Variants in MACROD2 observed in about 807,000 individuals in gnomAD.
The protein encoded by MACROD2 is mono-ADP ribosylhydrolase 2, also known as ADP-ribose glycohydrolase MACROD2.
In MACROD2, 36 loss-of-function variants were observed where a neutral mutation model predicts 70.4. That is an observed-to-expected ratio of 0.51 (90% CI 0.39 to 0.68). MACROD2 has a LOEUF of 0.68. Ranked by LOEUF, MACROD2 falls within the 30% of genes least tolerant of loss-of-function variation. The probability of loss-of-function intolerance (pLI) is 0.00; values close to 1 mark genes in which losing one functional copy is unlikely to be tolerated. For missense variants in MACROD2, 496 were observed against 538.4 expected (o/e 0.92, Z 0.78); for synonymous variants, 172 against 178.8 (o/e 0.96, Z 0.30).
intron 3 of MACROD2, among the ~76,000 whole-genome samples, chr20:14,211,749 C>G (rs1288846853): frequency 1.3e-5 from 2 of 152,206 alleles, no homozygotes; most frequent in Non-Finnish European, 2.9e-5. Context: ...TGTCTCTAGA[C>G]TGAAGGTCTC....
At chr20:14,983,661 C>G (rs946628814) in intron 5 of MACROD2, among the ~76,000 whole-genome samples, 1 of 152,104 alleles carries the variant, frequency 6.6e-6, no homozygotes, top group African/African-American at 2.4e-5. Flanking sequence ...TGAGGCCTCC[C>G]CACCAACATG....
intron 8 of MACROD2, among the ~76,000 whole-genome samples, chr20:15,677,876 G>A (rs954167834): frequency 6.6e-6 from 1 of 152,106 alleles, no homozygotes; most frequent in African/African-American, 2.4e-5. Context: ...AGGCCATCCT[G>A]GCCAACATGG....
At chr20:15,264,424 T>C (rs1424802603) in intron 6 of MACROD2, among the ~76,000 whole-genome samples, 1 of 152,048 alleles carries the variant, frequency 6.6e-6, no homozygotes, top group Non-Finnish European at 1.5e-5. Flanking sequence ...AGTAGACAGG[T>C]TAATAGGAGA....
intron 5 of MACROD2, among the ~76,000 whole-genome samples, chr20:14,774,708 A>G (rs2072212102): frequency 6.6e-6 from 1 of 152,092 alleles, no homozygotes; most frequent in Non-Finnish European, 1.5e-5. Flanking sequence ...AAGTGTCAAA[A>G]TGTTCTATAA....
chr20:14,042,561 C>T (rs950375094), intron 2 of MACROD2, among the ~76,000 whole-genome samples: 9 of 152,106 alleles, frequency 5.9e-5, no homozygotes, highest in Non-Finnish European at 8.8e-5. Flanking sequence ...TACAGTGGTG[C>T]GATCTCAGCT....
At chr20:15,416,700 C>T (rs1229782528) in intron 6 of MACROD2, among the ~76,000 whole-genome samples, 5 of 151,838 alleles carry the variant, frequency 3.3e-5, no homozygotes, top group African/African-American at 1.2e-4. Flanking sequence ...GTCAGGAGAT[C>T]GAGACCATCC....
intron 7 of MACROD2, among the ~76,000 whole-genome samples, chr20:15,464,332 C>A (rs1454386292): frequency 6.6e-6 from 1 of 152,106 alleles, no homozygotes; most frequent in South Asian, 2.1e-4. Context: ...ACTGGCTGTT[C>A]TTTTCACGAA....
intron 10 of MACROD2, among the ~76,000 whole-genome samples, chr20:15,906,192 G>T (rs752506684): frequency 6.6e-6 from 1 of 152,182 alleles, no homozygotes; most frequent in Non-Finnish European, 1.5e-5. Context: ...CCACCCTTGG[G>T]AGAACCTCTC....
intron 15 of MACROD2, among the ~76,000 whole-genome samples, chr20:16,030,465 AAG>A (rs2067138260): frequency 6.6e-6 from 1 of 152,168 alleles, no homozygotes; most frequent in Admixed American, 6.5e-5. Context: ...TTGACTGAGA[AAG>A]AGAGGGAAGG....
intron 6 of MACROD2, among the ~76,000 whole-genome samples, chr20:15,359,460 A>G (rs2078326621): frequency 6.6e-6 from 1 of 151,932 alleles, no homozygotes; most frequent in Non-Finnish European, 1.5e-5. Flanking sequence ...TTTAAAAGAA[A>G]TGCAATCTAA....
intron 6 of MACROD2, among the ~76,000 whole-genome samples, chr20:15,232,809 T>C (rs1601271361): frequency 6.6e-6 from 1 of 152,112 alleles, no homozygotes; most frequent in East Asian, 1.9e-4. Context: ...CTGCTAAGGT[T>C]AAACCAAAGG....
At chr20:14,078,173 A>T (rs1406515072) in intron 2 of MACROD2, among the ~76,000 whole-genome samples, 1 of 152,134 alleles carries the variant, frequency 6.6e-6, no homozygotes, top group Non-Finnish European at 1.5e-5. Flanking sequence ...AAGTGCTGGG[A>T]TTACAGGCGT....
chr20:14,990,507 T>C (rs1240247704), intron 5 of MACROD2, among the ~76,000 whole-genome samples: 1 of 149,786 alleles, frequency 6.7e-6, no homozygotes. Context: ...CTTTTTTTTT[T>C]TCTTTTTCTT....
At chr20:14,840,658 AAG>A (rs1394715732) in intron 5 of MACROD2, among the ~76,000 whole-genome samples, 1 of 152,100 alleles carries the variant, frequency 6.6e-6, no homozygotes, top group East Asian at 1.9e-4. Context: ...CTAAAAGAAA[AAG>A]AGGAAGGTTG....
chr20:15,579,086 A>G (rs868477655), intron 8 of MACROD2, among the ~76,000 whole-genome samples: 49 of 152,196 alleles, frequency 3.2e-4, no homozygotes, highest in Admixed American at 3.1e-3. Flanking sequence ...TCAAGACAAC[A>G]TTCCATATTT....
intron 7 of MACROD2, among the ~76,000 whole-genome samples, chr20:15,477,700 G>C (rs370006193): frequency 3.3e-5 from 5 of 152,168 alleles, no homozygotes; most frequent in Admixed American, 6.5e-5. Context: ...AGAGGTCCGC[G>C]TCCTAGTTCA....
intron 5 of MACROD2, among the ~76,000 whole-genome samples, chr20:14,864,044 A>G (rs2073401313): frequency 6.6e-6 from 1 of 152,102 alleles, no homozygotes. Context: ...TCCTGAGTAT[A>G]GATAATTTCT....
chr20:15,183,804 C>T (rs1361828515), intron 5 of MACROD2, among the ~76,000 whole-genome samples: 1 of 152,192 alleles, frequency 6.6e-6, no homozygotes, highest in Non-Finnish European at 1.5e-5. Context: ...CAAACATTTT[C>T]ACAAGTGTGC....
chr20:14,158,460 T>C (rs1442447484), intron 3 of MACROD2, among the ~76,000 whole-genome samples: 1 of 152,182 alleles, frequency 6.6e-6, no homozygotes, highest in Non-Finnish European at 1.5e-5. Context: ...TTTTTTGTTG[T>C]TGTTATCTGT....
Sources: allele counts gnomAD v4.1 joint callset (sites outside exome capture counted in the v4.1 genomes callset), GRCh38; gene constraint gnomAD v4.1.1; transcripts MANE v1.5; gene names NCBI Gene and HGNC (gene_info 2026-07-23, HGNC 2026-07-21).